The following AUTS2 variants were observed in gnomAD, a reference collection of about 807,000 sequenced individuals.
AUTS2 encodes activator of transcription and developmental regulator AUTS2.
Under a neutral mutation model 112.4 loss-of-function variants are expected in AUTS2, and 17 were observed. The observed-to-expected ratio is 0.15, with a 90% CI of 0.10 to 0.23. AUTS2 has a LOEUF of 0.23. Among genes scored for constraint, AUTS2 ranks in the 10% least tolerant of loss-of-function variants. AUTS2 has a pLI of 1.00. For synonymous variants in AUTS2, 751 were observed against 702.7 expected (o/e 1.07, Z -1.09); for missense variants, 1,510 against 1,701.6 (o/e 0.89, Z 1.98).
At chr7:69,691,346 A>G (rs534595743) in intron 1 of AUTS2, among the ~76,000 whole-genome samples, 54 of 152,066 alleles carry the variant, frequency 3.6e-4, no homozygotes, top group African/African-American at 1.3e-3. Context: ...ACCGTCAACA[A>G]GCTGTCCATT....
At chr7:70,591,871 C>T (rs1020465949) in intron 5 of AUTS2, among the ~76,000 whole-genome samples, 2 of 152,174 alleles carry the variant, frequency 1.3e-5, no homozygotes, top group African/African-American at 2.4e-5. Flanking sequence ...GCAGTTGGCA[C>T]GGCTCTCCAA....
chr7:69,826,913 T>C (rs1271988942), intron 1 of AUTS2, among the ~76,000 whole-genome samples: 1 of 152,170 alleles, frequency 6.6e-6, no homozygotes, highest in East Asian at 1.9e-4. Context: ...TTTACTTCCA[T>C]CTCAAGGAAG....
chr7:70,610,423 CTTTTTTT>C (rs3054735), intron 5 of AUTS2, among the ~76,000 whole-genome samples: 1,057 of 77,470 alleles, frequency 0.014, 37 homozygotes, highest in African/African-American at 0.049. Flanking sequence ...TAGCGCTCAT[CTTTTTTT>C]TTTTTTTTTT....
Position 70,786,014 on chromosome 7 carries a change from G to A in AUTS2, c.2284G>A (p.Gly762Arg), listed in dbSNP as rs770211572. Residue 762 changes from glycine (G) to arginine (R), a missense_variant, in exon 17 of 19, where the codon GGG (glycine) becomes AGG (arginine). Coordinates refer to ENST00000342771, the MANE Select transcript of AUTS2 (RefSeq NM_015570.4). ...AGCAGCAGTTGGTGGCAATGCCTTCGGGGGACTTGGAAATCCTTCCGTTAG... is the reference window on the plus strand; with the variant it reads ...AGCAGCAGTTGGTGGCAATGCCTTCAGGGGACTTGGAAATCCTTCCGTTAG... Reference protein sequence around the residue: ...GLAAVGGNAFGGLGNPSVTPN... With the variant: ...GLAAVGGNAFRGLGNPSVTPN... 1.1e-5 allele frequency: 18 copies of A among 1,613,936 alleles called. No individual in the cohort carries two copies. The highest frequency in any genetic ancestry group is 1.7e-5 in the Admixed American group (1 of 59,988).
chr7:70,128,891 C>G (rs1806118041), intron 3 of AUTS2, among the ~76,000 whole-genome samples: 1 of 152,116 alleles, frequency 6.6e-6, no homozygotes, highest in South Asian at 2.1e-4. Context: ...CTTGGTGTTC[C>G]TGGCTTATAG....
In AUTS2 at chr7:70,021,102, C is replaced by G. The variant is rs558395385; in HGVS notation, c.523-97030C>G. Among the ~76,000 whole-genome samples the G allele has an allele frequency of 3.3e-5, 5 of 152,318 alleles. No individual in the cohort carries two copies. The East Asian group carries it at 9.7e-4, about 29-fold the overall frequency. The stretch of plus-strand genomic sequence containing the variant: ...GATTCAAGCGATTCTCCTGCCTCAG[C>G]CTCCCGAGTAGCTGGGATTACAGGC... On this transcript the variant is annotated intron_variant, in intron 2 of 18. Coordinates refer to ENST00000342771, the MANE Select transcript of AUTS2 (RefSeq NM_015570.4).
chr7:70,274,496 A>G (rs925598716), intron 4 of AUTS2, among the ~76,000 whole-genome samples: 9 of 151,934 alleles, frequency 5.9e-5, no homozygotes, highest in African/African-American at 1.7e-4. Flanking sequence ...GTTTTGCCAT[A>G]TTGCCCAGGC....
At chr7:69,987,091 T>C (rs536200652) in intron 2 of AUTS2, among the ~76,000 whole-genome samples, 1 of 152,316 alleles carries the variant, frequency 6.6e-6, no homozygotes, top group South Asian at 2.1e-4. Flanking sequence ...TCTGTAAGAA[T>C]TTAAAGCCAT....
At chr7:70,114,249 C>A (rs1805240669) in intron 2 of AUTS2, among the ~76,000 whole-genome samples, 1 of 152,156 alleles carries the variant, frequency 6.6e-6, no homozygotes, top group African/African-American at 2.4e-5. Flanking sequence ...TATGTAAAGG[C>A]TGATGGTAAG....
rs377200544 is a variant in AUTS2 at position 69,731,906 on chromosome 7, C to T, written c.309+131944C>T. 2.7e-4 allele frequency among the ~76,000 whole-genome samples: 41 copies of T among 152,312 alleles called. 1 individual carries two copies. In the East Asian group the frequency reaches 7.9e-3, roughly 29 times the overall value. On this transcript the variant is annotated intron_variant, in intron 1 of 18. Transcript: ENST00000342771. The stretch of plus-strand genomic sequence containing the variant: ...TGGCTTGCCAAAGCTGTCCTTTCCT[C>T]ATCTGTAAAATGGGTAACAAGTTTC...
At chr7:70,505,390 G>A (rs1244484464) in intron 5 of AUTS2, among the ~76,000 whole-genome samples, 2 of 152,134 alleles carry the variant, frequency 1.3e-5, no homozygotes, top group East Asian at 3.8e-4. Flanking sequence ...CTTCCTAAAT[G>A]CAGCTCCAAA....
chr7:69,716,774 C>T (rs1798630122), intron 1 of AUTS2, among the ~76,000 whole-genome samples: 1 of 152,064 alleles, frequency 6.6e-6, no homozygotes, highest in Non-Finnish European at 1.5e-5. Flanking sequence ...GTTCTCATGA[C>T]CCCCTCCTCA....
chr7:70,003,825 A>AATAT lies in AUTS2; in HGVS notation c.522+104331_522+104334dup, dbSNP rs1195092691. ...ATAATATATGAATGTGTTATATATG[A>AATAT]ATATATAATATATGAATGTGTTATA... On this transcript the variant is annotated intron_variant, in intron 2 of 18. Coordinates refer to ENST00000342771, the MANE Select transcript of AUTS2 (RefSeq NM_015570.4). 7.9e-5 allele frequency among the ~76,000 whole-genome samples: 7 copies of AATAT among 88,848 alleles called. 2 individuals are homozygous for AATAT. The highest frequency in any genetic ancestry group is 1.2e-4 in the Non-Finnish European group (6 of 50,484). The allele number at this position is 88,848 out of a possible 152,430, so 58.3% of individuals were successfully genotyped here.
At chr7:69,740,164 GA>G (rs1352252812) in intron 1 of AUTS2, among the ~76,000 whole-genome samples, 1 of 152,188 alleles carries the variant, frequency 6.6e-6, no homozygotes, top group Non-Finnish European at 1.5e-5. Context: ...CTGTGAGTGG[GA>G]ATTGTGCCAG....
intron 5 of AUTS2, among the ~76,000 whole-genome samples, chr7:70,620,319 G>A (rs1055615098): frequency 6.6e-6 from 1 of 152,178 alleles, no homozygotes; most frequent in Non-Finnish European, 1.5e-5. Context: ...ACTTACTGGT[G>A]TAGGAACCTG....
chr7:70,241,486 T>A (rs1812611399), intron 4 of AUTS2, among the ~76,000 whole-genome samples: 1 of 152,154 alleles, frequency 6.6e-6, no homozygotes, highest in Non-Finnish European at 1.5e-5. Context: ...TTTTTGAAGT[T>A]TTTTTTAAAA....
At chr7:70,162,250 TC>T (rs1410925550) in intron 4 of AUTS2, among the ~76,000 whole-genome samples, 1 of 150,428 alleles carries the variant, frequency 6.6e-6, no homozygotes, top group Non-Finnish European at 1.5e-5. Flanking sequence ...ATCGAGACCA[TC>T]CCGGCTAAAA....
intron 4 of AUTS2, among the ~76,000 whole-genome samples, chr7:70,177,884 T>G (rs1809076052): frequency 6.6e-6 from 1 of 152,032 alleles, no homozygotes; most frequent in Non-Finnish European, 1.5e-5. Context: ...GGTTTGTGGT[T>G]GACTGGTTCA....
chr7:70,607,197 C>G (rs1247389867), intron 5 of AUTS2, among the ~76,000 whole-genome samples: 1 of 151,920 alleles, frequency 6.6e-6, no homozygotes, highest in African/African-American at 2.4e-5. Context: ...GATTACAGTT[C>G]CTTTAGTAGC....
Sources: gnomAD v4.1 joint callset for allele counts (sites outside exome capture counted in the v4.1 genomes callset) on GRCh38, gnomAD v4.1.1 for gene constraint, MANE v1.5 for transcripts, NCBI Gene and HGNC (gene_info 2026-07-23, HGNC 2026-07-21) for gene names.